KATNA1: variants seen among roughly 807,000 people sequenced by gnomAD.
KATNA1 encodes katanin p60 ATPase-containing subunit A1.
KATNA1 carries 42 observed loss-of-function variants against 62.6 expected under a neutral mutation model. That is an observed-to-expected ratio of 0.67 (90% CI 0.52 to 0.87). The LOEUF (loss-of-function observed/expected upper bound fraction) is 0.87. Among genes scored for constraint, KATNA1 ranks in the 40% least tolerant of loss-of-function variants. KATNA1 has a pLI of 0.00. For missense variants in KATNA1, 498 were observed against 612.5 expected, an observed-to-expected ratio of 0.81 and a Z score of 1.97; for synonymous variants, 186 against 201.9, an observed-to-expected ratio of 0.92 and a Z score of 0.67.
intron 1 of KATNA1, among the ~76,000 whole-genome samples, chr6:149,643,694 T>A (rs912726913): frequency 6.6e-6 from 1 of 152,002 alleles, no homozygotes; most frequent in Non-Finnish European, 1.5e-5. Context: ...TGTCCTTTTT[T>A]TTTTTTTTGA....
chr6:149,605,556 T>C (rs527516260), intron 4 of KATNA1, among the ~76,000 whole-genome samples: 6 of 152,280 alleles, frequency 3.9e-5, no homozygotes, highest in African/African-American at 1.4e-4. Flanking sequence ...CCTCTCATCC[T>C]CTGTGATGAC....
upstream of KATNA1, chr6:149,648,934 A>T (rs1280746793): frequency 6.6e-6 from 1 of 152,294 alleles, no homozygotes; most frequent in East Asian, 1.9e-4. Flanking sequence ...TTTCCCTCCC[A>T]CTTGATTTTC....
chr6:149,627,750 C>CCTAAA (rs1779675374), intron 3 of KATNA1, among the ~76,000 whole-genome samples: 2 of 151,348 alleles, frequency 1.3e-5, no homozygotes, highest in African/African-American at 2.4e-5. Flanking sequence ...AAGTCAGAGA[C>CCTAAA]AGACTTTCTG....
chr6:149,617,981 A>T (rs1187400311), intron 4 of KATNA1, among the ~76,000 whole-genome samples: 5 of 145,348 alleles, frequency 3.4e-5, no homozygotes, highest in African/African-American at 1.3e-4. Context: ...AAAATAAATA[A>T]ATAAATAAAT....
chr6:149,599,551 T>C (rs1778454667), intron 7 of KATNA1, among the ~76,000 whole-genome samples: 1 of 149,752 alleles, frequency 6.7e-6, no homozygotes, highest in Admixed American at 6.8e-5. Flanking sequence ...AATCATCCCT[T>C]TCTTTCTTTC....
intron 3 of KATNA1, among the ~76,000 whole-genome samples, chr6:149,626,062 G>C (rs1293404498): frequency 6.6e-6 from 1 of 152,128 alleles, no homozygotes; most frequent in Non-Finnish European, 1.5e-5. Flanking sequence ...AAGTATTTCT[G>C]TGTATGTATT....
rs754312408 is a variant in KATNA1, at chr6:149,604,706, T to C, written c.578A>G (p.Glu193Gly). 5 of 1,612,966 alleles carry C rather than the reference T, an allele frequency of 3.1e-6. No individual in the cohort carries two copies. Among genetic ancestry groups the C allele is most frequent in the Admixed American group, 3.3e-5 (2 of 59,990 alleles). Reference sequence around the variant, plus strand: ...GGAAATTATATCTCTTTCCAAAGCTTCTACTAAGTCTTTATCATATCCGGT... The same window carrying C: ...GGAAATTATATCTCTTTCCAAAGCTCCTACTAAGTCTTTATCATATCCGGT... ...DSTGYDKDLV[E>G]ALERDIISQN... Residue 193 changes from glutamate (E) to glycine (G), a missense_variant, in exon 5 of 11, where the codon GAA becomes GGA. Around this residue, in one of 3 missense-constraint regions of KATNA1, gnomAD observed 203 missense variants for 198.4 expected, o/e 1.02. Transcript: ENST00000367411.
chr6:149,616,842 G>A (rs1262200218), intron 4 of KATNA1, among the ~76,000 whole-genome samples: 1 of 152,160 alleles, frequency 6.6e-6, no homozygotes, highest in Non-Finnish European at 1.5e-5. Flanking sequence ...GGGTCTTGGA[G>A]AAATATCTGT....
In KATNA1 at chr6:149,615,132, CAAAAAAAAAAA is replaced by C. The variant is rs893824279; in HGVS notation, c.501+7960_501+7970del. Among the ~76,000 whole-genome samples the C allele has an allele frequency of 2.4e-4, 11 of 45,652 alleles. No homozygotes were observed. The South Asian group carries it at 4.3e-3, about 18-fold the overall frequency. 29.9% of individuals were successfully genotyped at this position (45,652 alleles called of 152,430 possible). A position where few individuals can be genotyped will look rare whatever the true frequency, so the allele number is the denominator to read the frequency against. On this transcript the variant is annotated intron_variant, in intron 4 of 10. Coordinates refer to ENST00000367411, the MANE Select transcript of KATNA1 (RefSeq NM_007044.4). ...TGGGTGACAGAGCAAGACTCTGTCT[CAAAAAAAAAAA>C]AAAAAAAAAAAACAACTAAACACAA...
intron 3 of KATNA1, 30 bp from the exon 4 acceptor site, chr6:149,623,313 A>C (rs1293919235): frequency 6.6e-7 from 1 of 1,513,124 alleles, no homozygotes; most frequent in South Asian, 1.2e-5. Flanking sequence ...TTAATATCAT[A>C]ATCAACTCCA....
chr6:149,613,886 A>C (rs1209741602), intron 4 of KATNA1, among the ~76,000 whole-genome samples: 1 of 152,178 alleles, frequency 6.6e-6, no homozygotes, highest in Non-Finnish European at 1.5e-5. Flanking sequence ...GAATGGGATT[A>C]AGGCCCTTAC....
chr6:149,620,150 CGT>C (rs1779338560), intron 4 of KATNA1, among the ~76,000 whole-genome samples: 1 of 152,006 alleles, frequency 6.6e-6, no homozygotes. Flanking sequence ...ATCTCATAGA[CGT>C]ACAGAGTACA....
chr6:149,610,742 T>A (rs1426290332), intron 4 of KATNA1, among the ~76,000 whole-genome samples: 1 of 152,084 alleles, frequency 6.6e-6, no homozygotes, highest in African/African-American at 2.4e-5. Flanking sequence ...AATGCATATG[T>A]TAGACAAGAA....
At chr6:149,610,157 A>C (rs1267835500) in intron 4 of KATNA1, among the ~76,000 whole-genome samples, 1 of 151,372 alleles carries the variant, frequency 6.6e-6, no homozygotes, top group African/African-American at 2.4e-5. Context: ...AAAATTAGCC[A>C]GGTGTGGTAG....
At chr6:149,616,860 T>C (rs9767554) in intron 4 of KATNA1, among the ~76,000 whole-genome samples, 68,291 of 152,068 alleles carry the variant, frequency 0.45, 16,420 homozygotes, top group East Asian at 0.81. Flanking sequence ...TGTGCACTCA[T>C]ATTCAAAGCA....
In KATNA1 at chr6:149,631,971, C is replaced by T. The variant is rs575336065; in HGVS notation, c.320+788G>A. 3.1e-4 allele frequency among the ~76,000 whole-genome samples: 47 copies of T among 152,194 alleles called. 3 individuals carry two copies. Among genetic ancestry groups the T allele is most frequent in the Admixed American group, 2.2e-3 (33 of 15,270 alleles). ...TTACTGTTCTCTATGAATTAAAAAG[C>T]CAATTTTTTCAATTTTAGCAAATTT... is the stretch of plus-strand genomic sequence containing the variant. On this transcript the variant is annotated intron_variant, in intron 3 of 10. Coordinates refer to ENST00000367411, the MANE Select transcript of KATNA1 (RefSeq NM_007044.4).
At chr6:149,603,853 T>C (rs951118120) in intron 5 of KATNA1, among the ~76,000 whole-genome samples, 8 of 152,202 alleles carry the variant, frequency 5.3e-5, no homozygotes, top group African/African-American at 1.9e-4. Flanking sequence ...GAGATTACTA[T>C]AAAGTCATCT....
chr6:149,646,131 G>A (rs189480656), intron 1 of KATNA1, among the ~76,000 whole-genome samples: 208 of 152,026 alleles, frequency 1.4e-3, no homozygotes, highest in African/African-American at 4.8e-3. Context: ...AATATTAAAG[G>A]AACACCAACT....
intron 4 of KATNA1, among the ~76,000 whole-genome samples, chr6:149,610,586 C>T (rs894658423): frequency 1.3e-5 from 2 of 152,142 alleles, no homozygotes; most frequent in Non-Finnish European, 2.9e-5. Context: ...GGAAACTAAA[C>T]AGCATGGTAC....
Sources: allele counts gnomAD v4.1 joint callset (sites outside exome capture counted in the v4.1 genomes callset), GRCh38; gene constraint gnomAD v4.1.1; regional missense constraint gnomAD v4.1.1; transcripts MANE v1.5; gene names NCBI Gene and HGNC (gene_info 2026-07-23, HGNC 2026-07-21).